SLC12A2: variants seen among roughly 807,000 people sequenced by gnomAD.
The protein encoded by SLC12A2 is Na-K-2Cl cotransporter 1.
A neutral mutation model predicts 136.3 loss-of-function variants in SLC12A2; 67 were observed. The ratio of observed to expected loss-of-function variants is 0.49; its 90% CI spans 0.40 to 0.60. SLC12A2 has a LOEUF of 0.60. Among genes scored for constraint, SLC12A2 ranks in the 20% least tolerant of loss-of-function variants. SLC12A2 has a pLI of 0.00. For missense variants in SLC12A2, 1,322 were observed against 1,534.7 expected (o/e 0.86, Z 2.32); for synonymous variants, 619 against 562.9 (o/e 1.10, Z -1.41).
At position 128,167,793 on chromosome 5, in the gene SLC12A2, A is replaced by G. The variant is rs760680366; in HGVS notation, c.2649A>G (p.Thr883=). 4.3e-6 allele frequency: 7 copies of G among 1,610,390 alleles called. No homozygotes were observed. Among genetic ancestry groups the G allele is most frequent in the South Asian group, 1.1e-5 (1 of 90,364 alleles). ...GTCTTGGTCGTATGAAGCCAAACAC[A>G]CTTGTCCTTGGATTTAAGAAAGATT... ...AAGLGRMKPN[T]LVLGFKKDWL... Residue 883 remains threonine (T), a synonymous_variant, in exon 18 of 27, where the codon ACA becomes ACG. Transcript: ENST00000262461.
chr5:128,169,999 CACAGCAGTG>C (rs1406440331), intron 18 of SLC12A2: 3 of 152,158 alleles, frequency 2.0e-5, no homozygotes, highest in Admixed American at 6.5e-5. Flanking sequence ...ATAGCAGTTT[CACAGCAGTG>C]ACACTGCTCA....
At chr5:128,087,704 C>A (rs1239918650) in intron 1 of SLC12A2, among the ~76,000 whole-genome samples, 3 of 152,150 alleles carry the variant, frequency 2.0e-5, no homozygotes, top group South Asian at 2.1e-4. Context: ...TCTTTAGGCT[C>A]TGGGTGGAGA....
At chr5:128,182,797 T>C in intron 23 of SLC12A2, 58 bp from the exon 24 acceptor site, 1 of 1,199,624 alleles carries the variant, frequency 8.3e-7, no homozygotes, top group Non-Finnish European at 1.2e-6. Context: ...GATATATGGA[T>C]TCAGCCCAAT....
chr5:128,152,856 C>A, intron 15 of SLC12A2, 51 bp downstream of exon 15: 2 of 1,079,602 alleles, frequency 1.9e-6, no homozygotes, highest in South Asian at 1.3e-5. Flanking sequence ...GCTGGCCAGT[C>A]AGTTCTTATT....
intron 4 of SLC12A2, among the ~76,000 whole-genome samples, chr5:128,125,645 A>T (rs1463793613): frequency 6.6e-6 from 1 of 151,918 alleles, no homozygotes; most frequent in Non-Finnish European, 1.5e-5. Flanking sequence ...TTCAGTGAAG[A>T]GACGTTTACC....
intron 1 of SLC12A2, among the ~76,000 whole-genome samples, chr5:128,098,831 C>T (rs553610139): frequency 1.1e-4 from 17 of 152,150 alleles, no homozygotes; most frequent in Admixed American, 1.0e-3. Flanking sequence ...AGCAGAGATT[C>T]GGGGGCTTAC....
chr5:128,115,415 G>A (rs144971726), intron 4 of SLC12A2, among the ~76,000 whole-genome samples: 995 of 152,178 alleles, frequency 6.5e-3, no homozygotes, highest in Non-Finnish European at 0.01. Context: ...GTGAGCCACC[G>A]CACCTGGCCC....
At chr5:128,126,118 T>C (rs529327564) in intron 4 of SLC12A2, among the ~76,000 whole-genome samples, 1 of 152,318 alleles carries the variant, frequency 6.6e-6, no homozygotes, top group Non-Finnish European at 1.5e-5. Flanking sequence ...TTTTGGCTTT[T>C]CTAGATCTTT....
Position 128,188,460 on chromosome 5 carries a change from A to G in SLC12A2, c.*1829A>G, listed in dbSNP as rs1346815584. On this transcript the variant is annotated 3_prime_UTR_variant, in exon 27 of 27. Coordinates refer to ENST00000262461, the MANE Select transcript of SLC12A2 (RefSeq NM_001046.3). Reference sequence around the variant, plus strand: ...CGGGTGCACGCCACCATGCCCAGCTAATTTTTGTATTTTGAGTAGAGACAG... The same window carrying G: ...CGGGTGCACGCCACCATGCCCAGCTGATTTTTGTATTTTGAGTAGAGACAG... The G allele has an allele frequency of 6.6e-6, 1 of 151,798 alleles. No homozygotes were observed. Among genetic ancestry groups the G allele is most frequent in the Non-Finnish European group, 1.5e-5 (1 of 67,982 alleles). The allele number at this position is 151,798 out of a possible 1,614,324, so 9.4% of individuals were successfully genotyped here. A position where few individuals can be genotyped will look rare whatever the true frequency, so the allele number is the denominator to read the frequency against.
In SLC12A2 at chr5:128,158,144, A is replaced by G. The variant is rs1486851720; in HGVS notation, c.2455A>G (p.Ile819Val). The change falls in exon 16 of 27, where the codon ATC becomes GTC. Residue 819 changes from isoleucine to valine, a missense_variant. Physicochemically the swap from Ile to Val is conservative, Grantham distance 29. Coordinates refer to ENST00000262461, the MANE Select transcript of SLC12A2 (RefSeq NM_001046.3). ...HDFTKNVGLM[I>V]CGHVHMGPRR... ...TTTCACAAAAAATGTTGGTTTGATG[A>G]TCTGTGGCCATGTACATATGGTAAG... The G allele has an allele frequency of 6.2e-7, 1 of 1,612,688 alleles. No homozygotes were observed. Among genetic ancestry groups the G allele is most frequent in the South Asian group, 1.1e-5 (1 of 90,870 alleles).
chr5:128,165,648 G>T (rs1177421563), intron 17 of SLC12A2, among the ~76,000 whole-genome samples: 1 of 152,114 alleles, frequency 6.6e-6, no homozygotes, highest in Non-Finnish European at 1.5e-5. Context: ...ATTTGCAAAG[G>T]ATTTAGGGAT....
intron 17 of SLC12A2, among the ~76,000 whole-genome samples, chr5:128,164,255 A>C (rs973882559): frequency 6.6e-6 from 1 of 152,138 alleles, no homozygotes; most frequent in Non-Finnish European, 1.5e-5. Context: ...CTATACTTTA[A>C]GAATCACTGC....
At position 128,161,788 on chromosome 5, in the gene SLC12A2, G is replaced by A; in HGVS notation, c.2604G>A (p.Gln868=). Residue 868 remains glutamine (Q), a synonymous_variant, in exon 17 of 27, where the codon CAG becomes CAA. Transcript: ENST00000262461. ...CAGATGACTTGAGAGAAGGTGCACA[G>A]TATTTGATGCAGGTAACTTTGTTAA... ...VHADDLREGA[Q]YLMQAAGLGR... 1 of 1,464,124 alleles carries A rather than the reference G, an allele frequency of 6.8e-7. No individual in the cohort carries two copies. Among genetic ancestry groups the A allele is most frequent in the Non-Finnish European group, 9.0e-7 (1 of 1,109,898 alleles). The allele number at this position is 1,464,124 out of a possible 1,614,324, so 90.7% of individuals were successfully genotyped here.
chr5:128,184,924 C>A, intron 26 of SLC12A2, 68 bp downstream of exon 26: 1 of 1,351,904 alleles, frequency 7.4e-7, no homozygotes, highest in Non-Finnish European at 1.1e-6. Context: ...AATTTCTATT[C>A]CAAGTACATA....
intron 1 of SLC12A2, among the ~76,000 whole-genome samples, chr5:128,085,356 G>A (rs995893075): frequency 1.3e-5 from 2 of 151,792 alleles, no homozygotes; most frequent in South Asian, 2.1e-4. Context: ...TAAAAAAAAA[G>A]GGACAGAGGC....
At position 128,086,069 on chromosome 5, in the gene SLC12A2, A is replaced by G. The variant is rs567089389; in HGVS notation, c.756+1359A>G. The stretch of plus-strand genomic sequence containing the variant: ...AGATATGGAGCTGGCAATTTTCATT[A>G]TCTTAGGACAGTTTTACTAATGAAA... On this transcript the variant is annotated intron_variant, in intron 1 of 26. Coordinates refer to ENST00000262461, the MANE Select transcript of SLC12A2 (RefSeq NM_001046.3). Among the ~76,000 whole-genome samples the G allele has an allele frequency of 2.0e-5, 3 of 152,304 alleles. No individual in the cohort carries two copies. The South Asian group carries it at 6.2e-4, about 32-fold the overall frequency.
intron 15 of SLC12A2, among the ~76,000 whole-genome samples, chr5:128,153,059 A>G (rs1277179654): frequency 6.6e-6 from 1 of 152,202 alleles, no homozygotes; most frequent in Non-Finnish European, 1.5e-5. Context: ...CTCCATGTTC[A>G]TTAAAGTTAC....
intron 1 of SLC12A2, among the ~76,000 whole-genome samples, chr5:128,096,312 A>G (rs1308358324): frequency 6.6e-6 from 1 of 152,140 alleles, no homozygotes; most frequent in East Asian, 1.9e-4. Context: ...CAAATGCTGT[A>G]GGGATATCAG....
chr5:128,111,055 AT>A (rs1337296298), intron 1 of SLC12A2: 7 of 633,672 alleles, frequency 1.1e-5, no homozygotes, highest in Admixed American at 2.4e-5. Context: ...ACTAAAAAGA[AT>A]TTTTTTAAGT....
Sources: gnomAD v4.1 joint callset for allele counts (sites outside exome capture counted in the v4.1 genomes callset) on GRCh38, gnomAD v4.1.1 for gene constraint, MANE v1.5 for transcripts, NCBI Gene and HGNC (gene_info 2026-07-23, HGNC 2026-07-21) for gene names.